NLRP2B: variants seen among roughly 807,000 people sequenced by gnomAD.
NLRP2B encodes NLR family pyrin domain-containing protein 2B.
For synonymous variants in NLRP2B, 16 were observed against 3.5 expected (o/e 4.63, Z -4.03); for missense variants, 25 against 6.8 (o/e 3.70, Z -3.00).
Position 57,679,004 on chromosome X carries a change from TG to T in NLRP2B, c.*1118del. 2.2e-6 allele frequency: 1 copy of T among 445,068 alleles called. No homozygotes were observed. The allele number at this position is 445,068 out of a possible 1,213,427, so 36.7% of individuals were successfully genotyped here. A position where few individuals can be genotyped will look rare whatever the true frequency, so the allele number is the denominator to read the frequency against. Reference sequence around the variant, plus strand: ...AAGCGCAGGAACAGCCCCGTGCGGGTGGGGCGGGTCCTTCCCCTTCTAACCT... The same window carrying T: ...AAGCGCAGGAACAGCCCCGTGCGGGTGGGCGGGTCCTTCCCCTTCTAACCT... On this transcript the variant is annotated 3_prime_UTR_variant, in exon 1 of 1. Coordinates refer to ENST00000434992, the MANE Select transcript of NLRP2B (RefSeq NM_001319967.1).
chrX:57,679,785 G>A lies in NLRP2B; in HGVS notation c.*338C>T. 2 of 320,087 alleles carry A rather than the reference G, an allele frequency of 6.2e-6. No individual in the cohort carries two copies. Among genetic ancestry groups the A allele is most frequent in the Non-Finnish European group, 5.5e-6 (1 of 182,781 alleles). 26.4% of individuals were successfully genotyped at this position (320,087 alleles called of 1,213,427 possible). On this transcript the variant is annotated 3_prime_UTR_variant, in exon 1 of 1. Transcript: ENST00000434992. ...AGAACTTCGTCTTCAATATACTCCTGTACCTATCCTCTTTACCTGGCTTTT... is the reference window on the plus strand; with the variant it reads ...AGAACTTCGTCTTCAATATACTCCTATACCTATCCTCTTTACCTGGCTTTT...
Position 57,679,658 on chromosome X carries a change from C to G in NLRP2B, c.*465G>C. ...AGCACCACCGTGTGTGGGCAGGGCCCGGGAAGCACCCTGGGGTTGCTGAAC... is the reference window on the plus strand; with the variant it reads ...AGCACCACCGTGTGTGGGCAGGGCCGGGGAAGCACCCTGGGGTTGCTGAAC... On this transcript the variant is annotated 3_prime_UTR_variant, in exon 1 of 1. Coordinates refer to ENST00000434992, the MANE Select transcript of NLRP2B (RefSeq NM_001319967.1). 1 of 461,629 alleles carries G rather than the reference C, an allele frequency of 2.2e-6. No individual in the cohort carries two copies. The highest frequency in any genetic ancestry group is 3.9e-6 in the Non-Finnish European group (1 of 257,420). 38.0% of individuals were successfully genotyped at this position (461,629 alleles called of 1,213,427 possible).
rs2011718074 is a variant in NLRP2B at position 57,677,622 on chromosome X, T to TC, written c.*2500_*2501insG. 1 of 306,630 alleles carries TC rather than the reference T, an allele frequency of 3.3e-6. No individual in the cohort carries two copies. Among genetic ancestry groups the TC allele is most frequent in the African/African-American group, 2.7e-5 (1 of 36,379 alleles). The allele number at this position is 306,630 out of a possible 1,213,427, so 25.3% of individuals were successfully genotyped here. A position where few individuals can be genotyped will look rare whatever the true frequency, so the allele number is the denominator to read the frequency against. Reference sequence around the variant, plus strand: ...GAAACATCACCCATGTATCCCCGAGTGGGGGGTTCTTGGCCAAGCACAGGT... The same window carrying TC: ...GAAACATCACCCATGTATCCCCGAGTCGGGGGGTTCTTGGCCAAGCACAGGT... On this transcript the variant is annotated 3_prime_UTR_variant, in exon 1 of 1. Transcript: ENST00000434992.
In NLRP2B at chrX:57,679,334, G is replaced by C; in HGVS notation, c.*789C>G. ...CCCAAGAAGACCGGCACCGGCTTCT[G>C]CTTCTCCCAGTCCCCACAGATGTCC... On this transcript the variant is annotated 3_prime_UTR_variant, in exon 1 of 1. Coordinates refer to ENST00000434992, the MANE Select transcript of NLRP2B (RefSeq NM_001319967.1). 1 of 577,757 alleles carries C rather than the reference G, an allele frequency of 1.7e-6. No homozygotes were observed. The highest frequency in any genetic ancestry group is 2.9e-6 in the Non-Finnish European group (1 of 339,431). 47.6% of individuals were successfully genotyped at this position (577,757 alleles called of 1,213,427 possible). A position where few individuals can be genotyped will look rare whatever the true frequency, so the allele number is the denominator to read the frequency against.
chrX:57,677,268 A>G lies in NLRP2B; in HGVS notation c.*2855T>C. 2.6e-6 allele frequency: 1 copy of G among 389,062 alleles called. No homozygotes were observed. The highest frequency in any genetic ancestry group is 5.1e-6 in the Non-Finnish European group (1 of 195,205). The allele number at this position is 389,062 out of a possible 1,213,427, so 32.1% of individuals were successfully genotyped here. On this transcript the variant is annotated 3_prime_UTR_variant, in exon 1 of 1. Transcript: ENST00000434992. ...AGGTTTCAAACAGCATCTTTACTCC[A>G]CTAGACCCCAAGGGATTCTGGCTCA...
rs1009134449 is a variant in NLRP2B at position 57,678,642 on chromosome X, T to C, written c.*1481A>G. Reference sequence around the variant, plus strand: ...GGTCGGGGTTCTTGAGTCTTTCTTCTCTAGAAAACAGCTTCTGCACGTCTC... The same window carrying C: ...GGTCGGGGTTCTTGAGTCTTTCTTCCCTAGAAAACAGCTTCTGCACGTCTC... On this transcript the variant is annotated 3_prime_UTR_variant, in exon 1 of 1. Transcript: ENST00000434992. 1 of 437,755 alleles carries C rather than the reference T, an allele frequency of 2.3e-6. No individual in the cohort carries two copies. The highest frequency in any genetic ancestry group is 2.5e-5 in the African/African-American group (1 of 40,685). 36.1% of individuals were successfully genotyped at this position (437,755 alleles called of 1,213,427 possible). A position where few individuals can be genotyped will look rare whatever the true frequency, so the allele number is the denominator to read the frequency against.
Position 57,679,894 on chromosome X carries a change from C to T in NLRP2B, c.*229G>A, listed in dbSNP as rs761730924. Reference sequence around the variant, plus strand: ...AAACTCTAGTGCTTCTGCTTCGAAACGCCCCAGCATTTGTTTCAGGTCTAT... The same window carrying T: ...AAACTCTAGTGCTTCTGCTTCGAAATGCCCCAGCATTTGTTTCAGGTCTAT... On this transcript the variant is annotated 3_prime_UTR_variant, in exon 1 of 1. Transcript: ENST00000434992. The T allele has an allele frequency of 1.2e-4, 34 of 289,213 alleles. No homozygotes were observed. The highest frequency in any genetic ancestry group is 4.3e-4 in the East Asian group (8 of 18,661). The allele number at this position is 289,213 out of a possible 1,213,427, so 23.8% of individuals were successfully genotyped here.
Position 57,679,976 on chromosome X carries a change from G to A in NLRP2B, c.*147C>T. ...AATGATACAGGCTTGATTTCAAAGT[G>A]TCTTCTCTGAGTTCATCCTTTACTT... On this transcript the variant is annotated 3_prime_UTR_variant, in exon 1 of 1. Coordinates refer to ENST00000434992, the MANE Select transcript of NLRP2B (RefSeq NM_001319967.1). 3.2e-6 allele frequency: 1 copy of A among 311,779 alleles called. No individual in the cohort carries two copies. Among genetic ancestry groups the A allele is most frequent in the African/African-American group, 2.7e-5 (1 of 37,263 alleles). 25.7% of individuals were successfully genotyped at this position (311,779 alleles called of 1,213,427 possible).
Position 57,679,432 on chromosome X carries a change from G to A in NLRP2B, c.*691C>T. The A allele has an allele frequency of 1.0e-6, 1 of 995,119 alleles. No homozygotes were observed. The highest frequency in any genetic ancestry group is 1.9e-5 in the South Asian group (1 of 52,505). The allele number at this position is 995,119 out of a possible 1,213,427, so 82.0% of individuals were successfully genotyped here. ...CACGAACAGGATTTTCTGTGCTTGGGCTAGGATGTTTGGAATGTCATCCTG... is the reference window on the plus strand; with the variant it reads ...CACGAACAGGATTTTCTGTGCTTGGACTAGGATGTTTGGAATGTCATCCTG... On this transcript the variant is annotated 3_prime_UTR_variant, in exon 1 of 1. Coordinates refer to ENST00000434992, the MANE Select transcript of NLRP2B (RefSeq NM_001319967.1).
Position 57,678,739 on chromosome X carries a change from A to G in NLRP2B, c.*1384T>C, listed in dbSNP as rs1287636513. The stretch of plus-strand genomic sequence containing the variant: ...CTCCTTCTCCAGGGCGTGGAACAGC[A>G]CAGTGAAAAACTGCTGGAAGCTGAG... On this transcript the variant is annotated 3_prime_UTR_variant, in exon 1 of 1. Coordinates refer to ENST00000434992, the MANE Select transcript of NLRP2B (RefSeq NM_001319967.1). The G allele has an allele frequency of 2.5e-6, 1 of 402,137 alleles. No individual in the cohort carries two copies. Among genetic ancestry groups the G allele is most frequent in the East Asian group, 5.4e-5 (1 of 18,621 alleles). 33.1% of individuals were successfully genotyped at this position (402,137 alleles called of 1,213,427 possible). A position where few individuals can be genotyped will look rare whatever the true frequency, so the allele number is the denominator to read the frequency against.
rs1281784247 is a variant in NLRP2B, at chrX:57,677,661, G to A, written c.*2462C>T. 6.1e-6 allele frequency: 2 copies of A among 330,079 alleles called. No homozygotes were observed. Among genetic ancestry groups the A allele is most frequent in the Admixed American group, 3.5e-5 (1 of 28,459 alleles). The allele number at this position is 330,079 out of a possible 1,213,427, so 27.2% of individuals were successfully genotyped here. A position where few individuals can be genotyped will look rare whatever the true frequency, so the allele number is the denominator to read the frequency against. On this transcript the variant is annotated 3_prime_UTR_variant, in exon 1 of 1. Transcript: ENST00000434992. The stretch of plus-strand genomic sequence containing the variant: ...CCAAGCACAGGTGTGTCAGCTCCCC[G>A]CTGACAACCAAAACAGCAGCAAAGT...
rs1429536763 is a variant in NLRP2B, at chrX:57,677,426, G to A, written c.*2697C>T. The A allele has an allele frequency of 2.9e-6, 1 of 343,731 alleles. No individual in the cohort carries two copies. Among genetic ancestry groups the A allele is most frequent in the East Asian group, 7.3e-5 (1 of 13,620 alleles). 28.3% of individuals were successfully genotyped at this position (343,731 alleles called of 1,213,427 possible). A position where few individuals can be genotyped will look rare whatever the true frequency, so the allele number is the denominator to read the frequency against. On this transcript the variant is annotated 3_prime_UTR_variant, in exon 1 of 1. Transcript: ENST00000434992. ...AGTGGTTTCTTCAAAGCCTCACATA[G>A]GAGCTTCACTCCAGTAACTCCTATG...
Position 57,677,954 on chromosome X carries a change from T to C in NLRP2B, c.*2169A>G. ...AAGACCTTACACAATGCAGGAAGCA[T>C]ATCATTCTGGTCATTGCCTTGAAGG... On this transcript the variant is annotated 3_prime_UTR_variant, in exon 1 of 1. Coordinates refer to ENST00000434992, the MANE Select transcript of NLRP2B (RefSeq NM_001319967.1). The C allele has an allele frequency of 2.1e-6, 1 of 475,150 alleles. No homozygotes were observed. Among genetic ancestry groups the C allele is most frequent in the Admixed American group, 2.7e-5 (1 of 36,622 alleles). The allele number at this position is 475,150 out of a possible 1,213,427, so 39.2% of individuals were successfully genotyped here.
In NLRP2B at chrX:57,677,896, C is replaced by T; in HGVS notation, c.*2227G>A. 2.3e-6 allele frequency: 1 copy of T among 430,376 alleles called. No homozygotes were observed. The highest frequency in any genetic ancestry group is 3.0e-5 in the South Asian group (1 of 33,397). The allele number at this position is 430,376 out of a possible 1,213,427, so 35.5% of individuals were successfully genotyped here. On this transcript the variant is annotated 3_prime_UTR_variant, in exon 1 of 1. Coordinates refer to ENST00000434992, the MANE Select transcript of NLRP2B (RefSeq NM_001319967.1). ...AGTGGTGGTGGAAAAAGACACCAAC[C>T]CGAGATATTGCAGGTTACATTTTGA...
Position 57,679,596 on chromosome X carries a change from G to A in NLRP2B, c.*527C>T. 1 of 506,887 alleles carries A rather than the reference G, an allele frequency of 2.0e-6. No individual in the cohort carries two copies. Among genetic ancestry groups the A allele is most frequent in the Non-Finnish European group, 3.5e-6 (1 of 286,614 alleles). The allele number at this position is 506,887 out of a possible 1,213,427, so 41.8% of individuals were successfully genotyped here. ...CTGCCCAGTCCAGCATTAATTTCTT[G>A]GCCAGCGTGGTTTTCCCAAGGCCCG... is the stretch of plus-strand genomic sequence containing the variant. On this transcript the variant is annotated 3_prime_UTR_variant, in exon 1 of 1. Coordinates refer to ENST00000434992, the MANE Select transcript of NLRP2B (RefSeq NM_001319967.1).
At position 57,677,827 on chromosome X, in the gene NLRP2B, G is replaced by A; in HGVS notation, c.*2296C>T. On this transcript the variant is annotated 3_prime_UTR_variant, in exon 1 of 1. Transcript: ENST00000434992. ...GTGAGAGAGGTTTACACATGTCAGG[G>A]ACTGGTTGACTTCAAGGGCCAAGGA... is the stretch of plus-strand genomic sequence containing the variant. 1 of 437,090 alleles carries A rather than the reference G, an allele frequency of 2.3e-6. No individual in the cohort carries two copies. Among genetic ancestry groups the A allele is most frequent in the Non-Finnish European group, 4.3e-6 (1 of 231,563 alleles). The allele number at this position is 437,090 out of a possible 1,213,427, so 36.0% of individuals were successfully genotyped here.
At position 57,679,311 on chromosome X, in the gene NLRP2B, C is replaced by A. The variant is rs950504237; in HGVS notation, c.*812G>T. The A allele has an allele frequency of 3.8e-6, 2 of 531,505 alleles. No homozygotes were observed. The highest frequency in any genetic ancestry group is 6.6e-6 in the Non-Finnish European group (2 of 303,177). 43.8% of individuals were successfully genotyped at this position (531,505 alleles called of 1,213,427 possible). On this transcript the variant is annotated 3_prime_UTR_variant, in exon 1 of 1. Coordinates refer to ENST00000434992, the MANE Select transcript of NLRP2B (RefSeq NM_001319967.1). ...AAATCTTCCTCTTCAGTAACCTCCC[C>A]AAGAAGACCGGCACCGGCTTCTGCT...
Position 57,679,094 on chromosome X carries a change from G to A in NLRP2B, c.*1029C>T. On this transcript the variant is annotated 3_prime_UTR_variant, in exon 1 of 1. Coordinates refer to ENST00000434992, the MANE Select transcript of NLRP2B (RefSeq NM_001319967.1). ...TGGGTGCCGAGACAGGCTGGAACAG[G>A]GCCGCGTTTCTTCTCATCAGCTCAA... 2.3e-6 allele frequency: 1 copy of A among 443,805 alleles called. No individual in the cohort carries two copies. Among genetic ancestry groups the A allele is most frequent in the Admixed American group, 2.7e-5 (1 of 36,395 alleles). The allele number at this position is 443,805 out of a possible 1,213,427, so 36.6% of individuals were successfully genotyped here.
rs141039506 is a variant in NLRP2B at position 57,679,602 on chromosome X, C to T, written c.*521G>A. 1,069 of 505,592 alleles carry T rather than the reference C, an allele frequency of 2.1e-3. 4 individuals carry two copies. Among genetic ancestry groups the T allele is most frequent in the African/African-American group, 0.013 (545 of 42,694 alleles). 41.7% of individuals were successfully genotyped at this position (505,592 alleles called of 1,213,427 possible). ...AGTCCAGCATTAATTTCTTGGCCAGCGTGGTTTTCCCAAGGCCCGCAGGAC... is the reference window on the plus strand; with the variant it reads ...AGTCCAGCATTAATTTCTTGGCCAGTGTGGTTTTCCCAAGGCCCGCAGGAC... On this transcript the variant is annotated 3_prime_UTR_variant, in exon 1 of 1. Transcript: ENST00000434992.
Sources: gnomAD v4.1 joint callset for allele counts on GRCh38, gnomAD v4.1.1 for gene constraint, MANE v1.5 for transcripts, NCBI Gene and HGNC (gene_info 2026-07-23, HGNC 2026-07-21) for gene names.